Variants in LRMDA observed in about 807,000 individuals in gnomAD.
LRMDA encodes leucine rich melanocyte differentiation associated, also known as leucine-rich melanocyte differentiation-associated protein.
LRMDA carries 18 observed loss-of-function variants against 29.8 expected under a neutral mutation model. The observed-to-expected ratio is 0.60, with a 90% CI of 0.42 to 0.90. LRMDA has a LOEUF of 0.90. Among genes scored for constraint, LRMDA ranks in the 40% least tolerant of loss-of-function variants. The pLI is 0.00. For synonymous variants in LRMDA, 125 were observed against 109.4 expected, an observed-to-expected ratio of 1.14 and a Z score of -0.89; for missense variants, 273 against 273.9, an observed-to-expected ratio of 1.00 and a Z score of 0.02.
intron 2 of LRMDA, among the ~76,000 whole-genome samples, chr10:75,865,878 T>G (rs1845009857): frequency 6.6e-6 from 1 of 152,252 alleles, no homozygotes; most frequent in Admixed American, 6.5e-5. Flanking sequence ...AAACTAATTT[T>G]GATTGTTAAT....
intron 5 of LRMDA, among the ~76,000 whole-genome samples, chr10:76,099,380 AT>A (rs1350826571): frequency 3.3e-5 from 5 of 152,194 alleles, no homozygotes; most frequent in Admixed American, 6.5e-5. Flanking sequence ...TGGCAGTTTC[AT>A]TAATTTTTTT....
chr10:75,785,940 C>T (rs1216683159), intron 2 of LRMDA, among the ~76,000 whole-genome samples: 1 of 152,176 alleles, frequency 6.6e-6, no homozygotes, highest in Non-Finnish European at 1.5e-5. Context: ...GACAACTGAC[C>T]AACCCTAGCT....
At position 75,902,017 on chromosome 10, in the gene LRMDA, G is replaced by C. The variant is rs372019937; in HGVS notation, c.132-133991G>C. Among the ~76,000 whole-genome samples, 8 of 152,180 alleles carry C rather than the reference G, an allele frequency of 5.3e-5. No homozygotes were observed. In the East Asian group the frequency reaches 1.4e-3, roughly 26 times the overall value. ...TTAAACTGAAGTACCCCTAACATTT[G>C]GGGGGTTCAGTATGAGAGTCCAGAT... On this transcript the variant is annotated intron_variant, in intron 2 of 6. Coordinates refer to ENST00000611255, the MANE Select transcript of LRMDA (RefSeq NM_001305581.2).
chr10:75,949,010 G>A (rs1435424340), intron 2 of LRMDA, among the ~76,000 whole-genome samples: 1 of 151,950 alleles, frequency 6.6e-6, no homozygotes, highest in African/African-American at 2.4e-5. Context: ...TTTTGTGTGT[G>A]TGTGTAAAAT....
intron 5 of LRMDA, among the ~76,000 whole-genome samples, chr10:76,305,375 G>T (rs1345137420): frequency 3.3e-5 from 5 of 152,200 alleles, no homozygotes; most frequent in Non-Finnish European, 7.3e-5. Context: ...CATTTGGAAA[G>T]TAACCTCAAA....
In LRMDA at chr10:76,321,507, AT is replaced by A. The variant is rs566793457; in HGVS notation, c.517-2889del. ...GAATTTCCAGACATTTCCTTTGTCT[AT>A]TTTTCTATTGATTTAAAGACATTCT... On this transcript the variant is annotated intron_variant, in intron 5 of 6. Transcript: ENST00000611255. Among the ~76,000 whole-genome samples, 541 of 148,016 alleles carry A rather than the reference AT, an allele frequency of 3.7e-3. 3 individuals are homozygous for A. Among genetic ancestry groups the A allele is most frequent in the Non-Finnish European group, 2.5e-3 (165 of 67,004 alleles).
chr10:75,835,032 C>A lies in LRMDA; in HGVS notation c.132-200976C>A, dbSNP rs1844409524. On this transcript the variant is annotated intron_variant, in intron 2 of 6. Transcript: ENST00000611255. The stretch of plus-strand genomic sequence containing the variant: ...GTTTTAGATATTTGTTACAGCAGCA[C>A]TCTATTTATAAGTGTAAAATCTGTA... Among the ~76,000 whole-genome samples, 3 of 152,248 alleles carry A rather than the reference C, an allele frequency of 2.0e-5. No homozygotes were observed. In the South Asian group the frequency reaches 6.2e-4, roughly 31 times the overall value.
chr10:76,456,106 A>G (rs947845234), intron 6 of LRMDA, among the ~76,000 whole-genome samples: 1 of 152,320 alleles, frequency 6.6e-6, no homozygotes, highest in Middle Eastern at 3.4e-3. Flanking sequence ...CTCTACCCGA[A>G]AATAGTCGTT....
intron 2 of LRMDA, among the ~76,000 whole-genome samples, chr10:75,940,834 G>A (rs1334670944): frequency 6.6e-6 from 1 of 151,940 alleles, no homozygotes; most frequent in Admixed American, 6.6e-5. Flanking sequence ...TCTGGGGTTT[G>A]ATCTAATACA....
At chr10:75,976,861 T>C (rs959452628) in intron 2 of LRMDA, among the ~76,000 whole-genome samples, 1 of 152,198 alleles carries the variant, frequency 6.6e-6, no homozygotes, top group Non-Finnish European at 1.5e-5. Flanking sequence ...ACAATGCCTC[T>C]CTAGTAGATA....
intron 6 of LRMDA, among the ~76,000 whole-genome samples, chr10:76,396,258 C>T (rs1841782568): frequency 6.6e-6 from 1 of 152,170 alleles, no homozygotes; most frequent in Non-Finnish European, 1.5e-5. Context: ...TATTCTTTGT[C>T]TCTTCTTTTC....
At chr10:76,103,463 A>G (rs1288220784) in intron 5 of LRMDA, among the ~76,000 whole-genome samples, 1 of 152,168 alleles carries the variant, frequency 6.6e-6, no homozygotes, top group Non-Finnish European at 1.5e-5. Flanking sequence ...CAGTAGATGC[A>G]GCACACAGAG....
chr10:76,056,261 C>T (rs1848612714), intron 4 of LRMDA, among the ~76,000 whole-genome samples: 1 of 152,160 alleles, frequency 6.6e-6, no homozygotes, highest in Admixed American at 6.5e-5. Context: ...CTTTTATGGG[C>T]ATCAGAGGAA....
chr10:76,404,889 A>C (rs1841886898), intron 6 of LRMDA, among the ~76,000 whole-genome samples: 2 of 152,200 alleles, frequency 1.3e-5, no homozygotes, highest in Admixed American at 1.3e-4. Context: ...CAGGGAAAGG[A>C]GATGTTACAA....
chr10:76,157,201 A>G (rs5007655), intron 5 of LRMDA, among the ~76,000 whole-genome samples: 31,918 of 152,116 alleles, frequency 0.21, 4,456 homozygotes, highest in African/African-American at 0.39. Flanking sequence ...TACAAAGATG[A>G]TCCAGTTTCC....
intron 5 of LRMDA, among the ~76,000 whole-genome samples, chr10:76,226,561 C>A (rs553389144): frequency 3.3e-5 from 5 of 151,972 alleles, no homozygotes; most frequent in Admixed American, 6.6e-5. Flanking sequence ...CCAGCCTTGG[C>A]GACAAGAGCA....
At chr10:76,415,038 C>T (rs1420872144) in intron 6 of LRMDA, among the ~76,000 whole-genome samples, 7 of 152,238 alleles carry the variant, frequency 4.6e-5, no homozygotes, top group Admixed American at 3.9e-4. Context: ...AACTCTTTGC[C>T]CACATCCAGG....
intron 2 of LRMDA, among the ~76,000 whole-genome samples, chr10:75,971,280 C>T (rs925149768): frequency 4.6e-5 from 7 of 152,142 alleles, no homozygotes; most frequent in Admixed American, 2.0e-4. Context: ...ACAGCCTCCC[C>T]GTCTGCTGTT....
intron 5 of LRMDA, among the ~76,000 whole-genome samples, chr10:76,285,213 GC>G (rs2132339442): frequency 6.6e-6 from 1 of 152,162 alleles, no homozygotes; most frequent in South Asian, 2.1e-4. Flanking sequence ...GATATAGTTG[GC>G]CAATCTGTCT....
Sources: allele counts gnomAD v4.1 joint callset (sites outside exome capture counted in the v4.1 genomes callset), GRCh38; gene constraint gnomAD v4.1.1; transcripts MANE v1.5; gene names NCBI Gene and HGNC (gene_info 2026-07-23, HGNC 2026-07-21).